The following ZNF341 variants were observed in gnomAD, a reference collection of about 807,000 sequenced individuals.
ZNF341 encodes the protein zinc finger protein 341.
Under a neutral mutation model 87.7 loss-of-function variants are expected in ZNF341, and 52 were observed. The ratio of observed to expected loss-of-function variants is 0.59; its 90% CI spans 0.47 to 0.75. The LOEUF (loss-of-function observed/expected upper bound fraction) is 0.75, where lower values mean the gene tolerates loss of function less well. ZNF341 is among the 30% of genes least tolerant of loss of function. ZNF341 has a pLI of 0.00. For synonymous variants in ZNF341, 459 were observed against 472.7 expected (o/e 0.97, Z 0.38); for missense variants, 977 against 1,145.9 (o/e 0.85, Z 2.13).
chr20:33,744,369 C>T (rs1021311894), intron 2 of ZNF341, among the ~76,000 whole-genome samples: 2 of 151,932 alleles, frequency 1.3e-5, no homozygotes, highest in African/African-American at 4.8e-5. Flanking sequence ...CTGAGGCTTG[C>T]AGAACAAGTT....
intron 12 of ZNF341, among the ~76,000 whole-genome samples, chr20:33,784,626 T>C (rs1435786769): frequency 6.7e-6 from 1 of 150,328 alleles, no homozygotes; most frequent in African/African-American, 2.4e-5. Flanking sequence ...TTTTTTTTTT[T>C]TTCTTTGAGA....
In ZNF341 at chr20:33,791,215, A is replaced by C; in HGVS notation, c.2263A>C (p.Ser755Arg). ...RPPQRRAAPR[S>R]CGSGGRKVLT... ...CCCCCAGAGGAGGGCAGCCCCCCGC[A>C]GTTGCGGCAGTGGTGGGCGCAAGGT... Residue 755 changes from serine (S) to arginine (R), a missense_variant, in exon 15 of 15, where the codon AGT (serine) becomes CGT (arginine). Ser to Arg is a moderately radical substitution (Grantham distance 110). Coordinates refer to ENST00000375200, the MANE Select transcript of ZNF341 (RefSeq NM_001282933.2). The C allele has an allele frequency of 6.2e-7, 1 of 1,612,178 alleles. No homozygotes were observed. The highest frequency in any genetic ancestry group is 1.3e-5 in the African/African-American group (1 of 75,006).
chr20:33,743,993 C>T (rs1039638022), intron 2 of ZNF341, among the ~76,000 whole-genome samples: 4 of 152,158 alleles, frequency 2.6e-5, no homozygotes, highest in South Asian at 4.1e-4. Context: ...AGAAAAACTT[C>T]CTGGAGAGGT....
rs755413338 is a variant in ZNF341, at chr20:33,749,029, C to T, written c.446C>T (p.Thr149Ile). 1 of 1,614,208 alleles carries T rather than the reference C, an allele frequency of 6.2e-7. No homozygotes were observed. The highest frequency in any genetic ancestry group is 2.2e-5 in the East Asian group (1 of 44,884). Residue 149 changes from threonine to isoleucine, a missense_variant, in exon 4 of 15, where the codon ACA (threonine) becomes ATA (isoleucine). Transcript: ENST00000375200. ...CTCATGTCTGCCATGTCAGCCTTCA[C>T]ATCCCTGGACCAGCCCATGCCCCAG... is the stretch of plus-strand genomic sequence containing the variant. The part of the protein sequence containing the change: ...DVLMSAMSAF[T>I]SLDQPMPQGP...
chr20:33,784,710 G>T (rs1276887128), intron 12 of ZNF341, among the ~76,000 whole-genome samples: 1 of 151,706 alleles, frequency 6.6e-6, no homozygotes, highest in Non-Finnish European at 1.5e-5. Context: ...TGCCTCCCGG[G>T]TTCAAGTGAT....
In ZNF341 at chr20:33,756,419, T is replaced by G. The variant is rs1297623917; in HGVS notation, c.742-729T>G. Among the ~76,000 whole-genome samples, 3 of 149,568 alleles carry G rather than the reference T, an allele frequency of 2.0e-5. No individual in the cohort carries two copies. The Admixed American group carries it at 2.0e-4, about 10-fold the overall frequency. Reference sequence around the variant, plus strand: ...TCTCACTCCATCGCCCAGGCTGGAGTGCAGTGGCGCGATCTCGGCCCACTG... The same window carrying G: ...TCTCACTCCATCGCCCAGGCTGGAGGGCAGTGGCGCGATCTCGGCCCACTG... On this transcript the variant is annotated intron_variant, in intron 5 of 14. Coordinates refer to ENST00000375200, the MANE Select transcript of ZNF341 (RefSeq NM_001282933.2).
intron 10 of ZNF341, among the ~76,000 whole-genome samples, chr20:33,772,191 C>T (rs377577269): frequency 1.3e-5 from 2 of 151,868 alleles, no homozygotes; most frequent in African/African-American, 2.4e-5. Flanking sequence ...TCATGAAATC[C>T]CCCATCTGCA....
At chr20:33,764,562 T>TATATATATATATATACATA (rs1491532951) in intron 8 of ZNF341, among the ~76,000 whole-genome samples, 1 of 40,360 alleles carries the variant, frequency 2.5e-5, no homozygotes, top group Admixed American at 3.1e-4. Context: ...TATATATATA[T>TATATATATATATATACATA]TTTTTTTTTT....
At position 33,791,338 on chromosome 20, in the gene ZNF341, G is replaced by C; in HGVS notation, c.2386G>C (p.Glu796Gln). ...EAVPGKPPFA[E>Q]PDAVLSIVVG... ...TGTCCCCGGCAAGCCGCCCTTCGCA[G>C]AGCCGGACGCGGTGCTGTCCATCGT... The change falls in exon 15 of 15, where the codon GAG becomes CAG. Residue 796 changes from glutamate to glutamine, a missense_variant. Transcript: ENST00000375200. 1.9e-6 allele frequency: 3 copies of C among 1,612,070 alleles called. No individual in the cohort carries two copies. In the South Asian group the frequency reaches 3.3e-5, roughly 18 times the overall value.
intron 4 of ZNF341, chr20:33,752,111 C>CT: frequency 2.6e-6 from 1 of 382,534 alleles, no homozygotes; most frequent in Non-Finnish European, 5.1e-6. Context: ...CAAGCAAGCC[C>CT]CCCCCCCTTT....
intron 13 of ZNF341, among the ~76,000 whole-genome samples, chr20:33,789,298 C>T (rs377695919): frequency 8.5e-5 from 13 of 152,226 alleles, no homozygotes; most frequent in African/African-American, 3.1e-4. Context: ...CCACCTCGGC[C>T]TCCCAAAGTG....
In ZNF341 at chr20:33,732,400, GC is replaced by G. The variant is rs2018590207; in HGVS notation, c.31+349del. Reference sequence around the variant, plus strand: ...GTCTGGAACAGCCGCGGCCAGGGAGGCGGCTTGGCGGCGCGCGGGGCCCGGG... The same window carrying G: ...GTCTGGAACAGCCGCGGCCAGGGAGGGGCTTGGCGGCGCGCGGGGCCCGGG... On this transcript the variant is annotated intron_variant, in intron 1 of 14. Coordinates refer to ENST00000375200, the MANE Select transcript of ZNF341 (RefSeq NM_001282933.2). The surrounding 1 kb of genome is among the most constrained non-coding windows in gnomAD (Gnocchi z 4.5). 6.6e-6 allele frequency among the ~76,000 whole-genome samples: 1 copy of G among 151,942 alleles called. No homozygotes were observed. The highest frequency in any genetic ancestry group is 1.5e-5 in the Non-Finnish European group (1 of 67,946).
intron 1 of ZNF341, among the ~76,000 whole-genome samples, chr20:33,740,525 G>T (rs1044746346): frequency 1.3e-5 from 2 of 152,100 alleles, no homozygotes; most frequent in Non-Finnish European, 2.9e-5. Flanking sequence ...TTGAGACAGG[G>T]TCTTGCTCTG....
At position 33,741,023 on chromosome 20, in the gene ZNF341, G is replaced by A; in HGVS notation, c.142+11G>A. On this transcript the variant is annotated intron_variant, in intron 2 of 14. Transcript: ENST00000375200. ...CTATCCAGCCATTGGGTGAGTATCT[G>A]CTCAGGTTCACCGGTGGGAGAGTGA... is the stretch of plus-strand genomic sequence containing the variant. 6.2e-7 allele frequency: 1 copy of A among 1,612,802 alleles called. No homozygotes were observed. Among genetic ancestry groups the A allele is most frequent in the Non-Finnish European group, 8.5e-7 (1 of 1,178,784 alleles).
chr20:33,742,850 G>C (rs2018832155), intron 2 of ZNF341, among the ~76,000 whole-genome samples: 1 of 152,180 alleles, frequency 6.6e-6, no homozygotes. Context: ...TCTGTCACAT[G>C]ACATTCCTAG....
chr20:33,758,636 A>G (rs1203694824), intron 6 of ZNF341, 80 bp from the exon 7 acceptor site: 1 of 1,112,554 alleles, frequency 9.0e-7, no homozygotes, highest in African/African-American at 1.5e-5. Context: ...TCTGGCTCAG[A>G]TACAGTAGTC....
At chr20:33,740,241 T>G (rs903593716) in intron 1 of ZNF341, among the ~76,000 whole-genome samples, 62 of 152,008 alleles carry the variant, frequency 4.1e-4, no homozygotes, top group African/African-American at 1.4e-3. Flanking sequence ...ACCACCATAT[T>G]CTTATTCTGG....
chr20:33,744,318 GA>G (rs2018871023), intron 2 of ZNF341, among the ~76,000 whole-genome samples: 1 of 151,568 alleles, frequency 6.6e-6, no homozygotes, highest in Admixed American at 6.6e-5. Flanking sequence ...GAAAAGGAAA[GA>G]AAAAGAAAAA....
At chr20:33,734,515 C>T (rs992172273) in intron 1 of ZNF341, among the ~76,000 whole-genome samples, 2 of 151,836 alleles carry the variant, frequency 1.3e-5, no homozygotes, top group Non-Finnish European at 2.9e-5. Flanking sequence ...ATTGGGGAGA[C>T]AGAATAGGCT....
Sources: allele counts gnomAD v4.1 joint callset (sites outside exome capture counted in the v4.1 genomes callset), GRCh38; gene constraint gnomAD v4.1.1; non-coding constraint Gnocchi (gnomAD v3.1); transcripts MANE v1.5; gene names NCBI Gene and HGNC (gene_info 2026-07-23, HGNC 2026-07-21).